Variants in AGBL4 observed in about 807,000 individuals in gnomAD.
AGBL4 encodes AGBL carboxypeptidase 4, also known as cytosolic carboxypeptidase 6.
In AGBL4, 58 loss-of-function variants were observed where a neutral mutation model predicts 66.4. That is an observed-to-expected ratio of 0.87 (90% CI 0.71 to 1.09). AGBL4 has a LOEUF of 1.09. AGBL4 is among the 50% of genes least tolerant of loss of function. The pLI is 0.00. For missense variants in AGBL4, 579 were observed against 631.0 expected (o/e 0.92, Z 0.88); for synonymous variants, 234 against 222.9 (o/e 1.05, Z -0.44).
chr1:49,829,951 C>T (rs1309224610), intron 2 of AGBL4, among the ~76,000 whole-genome samples: 2 of 152,162 alleles, frequency 1.3e-5, no homozygotes, highest in East Asian at 3.9e-4. Context: ...ATGAATTCAC[C>T]ATTTTTTATG....
chr1:49,559,498 T>C (rs1643983140), intron 3 of AGBL4, among the ~76,000 whole-genome samples: 1 of 152,176 alleles, frequency 6.6e-6, no homozygotes, highest in Non-Finnish European at 1.5e-5. Flanking sequence ...AAGATTAACA[T>C]TTCAGTCAGT....
intron 5 of AGBL4, among the ~76,000 whole-genome samples, chr1:48,871,024 A>G (rs1461708225): frequency 2.6e-5 from 4 of 152,234 alleles, no homozygotes; most frequent in Non-Finnish European, 5.9e-5. Flanking sequence ...TTACTAGTCT[A>G]CCAGGCACAA....
At chr1:49,231,370 G>T (rs889406513) in intron 4 of AGBL4, among the ~76,000 whole-genome samples, 1 of 152,154 alleles carries the variant, frequency 6.6e-6, no homozygotes, top group South Asian at 2.1e-4. Flanking sequence ...TAGGAGACTC[G>T]TGGCAGTCGA....
At chr1:49,366,677 C>T (rs1035047842) in intron 3 of AGBL4, among the ~76,000 whole-genome samples, 2 of 152,152 alleles carry the variant, frequency 1.3e-5, no homozygotes, top group Admixed American at 1.3e-4. Flanking sequence ...TTTCGGAGTA[C>T]TAACATCCCA....
chr1:49,907,287 G>T (rs1650369894), intron 1 of AGBL4, among the ~76,000 whole-genome samples: 1 of 151,960 alleles, frequency 6.6e-6, no homozygotes, highest in Non-Finnish European at 1.5e-5. Flanking sequence ...TTTTTAAAGG[G>T]TTCCTCCTAT....
intron 3 of AGBL4, among the ~76,000 whole-genome samples, chr1:49,255,942 T>C (rs574872577): frequency 8.5e-5 from 13 of 152,272 alleles, no homozygotes; most frequent in African/African-American, 3.1e-4. Context: ...TTCTCACTTA[T>C]AAGTGGGAGC....
chr1:48,579,915 C>CAAAAAAAA (rs35518235), intron 11 of AGBL4, among the ~76,000 whole-genome samples: 1 of 65,736 alleles, frequency 1.5e-5, no homozygotes, highest in Non-Finnish European at 3.0e-5. Flanking sequence ...GACTCCGCCT[C>CAAAAAAAA]AAAAAAAAAA....
chr1:49,489,075 G>A (rs933268882), intron 3 of AGBL4, among the ~76,000 whole-genome samples: 3 of 151,768 alleles, frequency 2.0e-5, no homozygotes, highest in African/African-American at 7.3e-5. Flanking sequence ...GGATCATAAG[G>A]TAGCTCTATT....
chr1:48,870,716 G>A (rs1444646868), intron 5 of AGBL4, among the ~76,000 whole-genome samples: 4 of 152,096 alleles, frequency 2.6e-5, no homozygotes, highest in Admixed American at 2.6e-4. Flanking sequence ...CCTACTGTCT[G>A]TACCACCTCT....
chr1:49,136,205 G>A (rs941126054), intron 4 of AGBL4, among the ~76,000 whole-genome samples: 1 of 152,096 alleles, frequency 6.6e-6, no homozygotes, highest in Non-Finnish European at 1.5e-5. Flanking sequence ...TGTGTTAAAA[G>A]TAAGAAAATC....
intron 2 of AGBL4, among the ~76,000 whole-genome samples, chr1:49,782,548 G>A (rs1042865710): frequency 2.6e-5 from 4 of 152,166 alleles, no homozygotes; most frequent in African/African-American, 9.7e-5. Flanking sequence ...TAAGAAGTAA[G>A]TAGAAGTTCT....
intron 2 of AGBL4, among the ~76,000 whole-genome samples, chr1:49,725,221 A>C (rs1228995766): frequency 6.6e-6 from 1 of 152,174 alleles, no homozygotes; most frequent in Non-Finnish European, 1.5e-5. Flanking sequence ...TAATATATGT[A>C]TCTCTCTGAA....
At position 48,587,161 on chromosome 1, in the gene AGBL4, G is replaced by T. The variant is rs1454855617; in HGVS notation, c.1110C>A (p.Ser370Arg). ...CQNAEDFSYS[S>R]TSFNRDAVKA... ...TCACAGCGTCCCGGTTAAAGGATGT[G>T]CTGGACTGTGAAAGACAGAGTAGGG... The change falls in exon 11 of 14, where the codon AGC becomes AGA. Residue 370 changes from serine (S) to arginine (R), a missense_variant. Ser to Arg is a moderately radical substitution (Grantham distance 110). Transcript: ENST00000371839. 6.4e-7 allele frequency: 1 copy of T among 1,552,306 alleles called. No individual in the cohort carries two copies. Among genetic ancestry groups the T allele is most frequent in the Non-Finnish European group, 8.7e-7 (1 of 1,147,536 alleles).
intron 3 of AGBL4, among the ~76,000 whole-genome samples, chr1:49,538,641 T>C (rs1651786435): frequency 6.6e-6 from 1 of 151,970 alleles, no homozygotes; most frequent in African/African-American, 2.4e-5. Context: ...GCAAAATGAG[T>C]GAAAATCATA....
At chr1:49,721,195 G>T (rs1446117679) in intron 2 of AGBL4, among the ~76,000 whole-genome samples, 1 of 152,110 alleles carries the variant, frequency 6.6e-6, no homozygotes, top group African/African-American at 2.4e-5. Flanking sequence ...ACTCTGATAA[G>T]ACAAAAACAG....
chr1:49,303,722 C>T (rs894843708), intron 3 of AGBL4, among the ~76,000 whole-genome samples: 2 of 152,140 alleles, frequency 1.3e-5, no homozygotes, highest in Admixed American at 6.5e-5. Flanking sequence ...GTGATCCACC[C>T]GCCTCGGCCT....
chr1:48,803,992 C>T (rs972247895), intron 6 of AGBL4, among the ~76,000 whole-genome samples: 12 of 152,168 alleles, frequency 7.9e-5, no homozygotes, highest in African/African-American at 2.9e-4. Context: ...GTTTCCTCAT[C>T]TATAAAATGG....
At chr1:48,964,491 T>C (rs1658260531) in intron 5 of AGBL4, among the ~76,000 whole-genome samples, 2 of 152,186 alleles carry the variant, frequency 1.3e-5, no homozygotes. Context: ...ATAATGCCAA[T>C]GATATAAAGG....
chr1:49,637,514 G>A (rs1434381756), intron 3 of AGBL4, among the ~76,000 whole-genome samples: 1 of 151,968 alleles, frequency 6.6e-6, no homozygotes, highest in East Asian at 1.9e-4. Flanking sequence ...TGTGGGCCAG[G>A]CTGGTTTTGA....
Sources: allele counts gnomAD v4.1 joint callset (sites outside exome capture counted in the v4.1 genomes callset), GRCh38; gene constraint gnomAD v4.1.1; transcripts MANE v1.5; gene names NCBI Gene and HGNC (gene_info 2026-07-23, HGNC 2026-07-21).